Variants in SLC10A7 observed in about 807,000 individuals in gnomAD.
SLC10A7 encodes the protein sodium/bile acid cotransporter 7.
SLC10A7 carries 29 observed loss-of-function variants against 43.2 expected under a neutral mutation model. The observed-to-expected ratio is 0.67, with a 90% CI of 0.50 to 0.92. The LOEUF is 0.92. Among genes scored for constraint, SLC10A7 ranks in the 40% least tolerant of loss-of-function variants. SLC10A7 has a pLI of 0.00. For missense variants in SLC10A7, 295 were observed against 403.2 expected (o/e 0.73, Z 2.30); for synonymous variants, 152 against 144.8 (o/e 1.05, Z -0.35).
chr4:146,472,614 A>T (rs1733673436), intron 4 of SLC10A7, among the ~76,000 whole-genome samples: 2 of 152,108 alleles, frequency 1.3e-5, no homozygotes, highest in African/African-American at 4.8e-5. Flanking sequence ...CCCTTAGGGC[A>T]GACAGCATAT....
chr4:146,425,129 T>C (rs569245592), intron 5 of SLC10A7, among the ~76,000 whole-genome samples: 3 of 152,270 alleles, frequency 2.0e-5, no homozygotes, highest in African/African-American at 7.2e-5. Context: ...AACAGATCCC[T>C]GACAAGCTGA....
At chr4:146,378,286 ATCTC>A (rs751068796) in intron 5 of SLC10A7, among the ~76,000 whole-genome samples, 2 of 151,934 alleles carry the variant, frequency 1.3e-5, no homozygotes, top group East Asian at 3.9e-4. Flanking sequence ...GAAAATTATA[ATCTC>A]TCTCTCTCTC....
chr4:146,435,244 T>C (rs1038521600), intron 5 of SLC10A7, among the ~76,000 whole-genome samples: 2 of 152,172 alleles, frequency 1.3e-5, no homozygotes, highest in African/African-American at 4.8e-5. Context: ...ATGATGAAGT[T>C]TGGAGGTCTA....
Position 146,256,177 on chromosome 4 carries a change from T to C in SLC10A7, c.*314A>G. ...ATTTCAAACATTACAGTAACTACTA[T>C]AGGGTTGTATTGCACAAAGGTGCTG... On this transcript the variant is annotated 3_prime_UTR_variant, in exon 12 of 12. Transcript: ENST00000335472. The C allele has an allele frequency of 5.5e-6, 2 of 363,550 alleles. No individual in the cohort carries two copies. The highest frequency in any genetic ancestry group is 5.1e-6 in the Non-Finnish European group (1 of 197,534). 22.5% of individuals were successfully genotyped at this position (363,550 alleles called of 1,614,324 possible). A position where few individuals can be genotyped will look rare whatever the true frequency, so the allele number is the denominator to read the frequency against.
intron 4 of SLC10A7, among the ~76,000 whole-genome samples, chr4:146,492,262 T>C (rs956363423): frequency 1.2e-4 from 18 of 152,132 alleles, no homozygotes; most frequent in Non-Finnish European, 2.2e-4. Context: ...CCTGATGACT[T>C]TGTAATGCAA....
intron 4 of SLC10A7, among the ~76,000 whole-genome samples, chr4:146,447,697 T>C (rs539726805): frequency 6.6e-6 from 1 of 152,246 alleles, no homozygotes; most frequent in African/African-American, 2.4e-5. Flanking sequence ...ATTGAGATTT[T>C]TTTTAATATT....
rs775473288 is a variant in SLC10A7, at chr4:146,517,061, T to G, written c.160A>C (p.Ser54Arg). 1.2e-6 allele frequency: 2 copies of G among 1,609,316 alleles called. No homozygotes were observed. The highest frequency in any genetic ancestry group is 1.7e-6 in the Non-Finnish European group (2 of 1,176,712). ...ACCTCTGTTTTCAATGATAGTCCAC[T>G]GTTAAAGAATATTGTTGCAACAGCA... ...YIAVATIFFNSGLSLKTEELT... is the reference protein window; with the variant it reads ...YIAVATIFFNRGLSLKTEELT... Residue 54 changes from serine (S) to arginine (R), a missense_variant, in exon 2 of 12, where the codon AGT (serine) becomes CGT (arginine). Physicochemically the swap from Ser to Arg is moderately radical, Grantham distance 110. This residue lies in a region of SLC10A7 where 242 missense variants were observed against 362.5 expected (regional missense o/e 0.67). Coordinates refer to ENST00000335472, the MANE Select transcript of SLC10A7 (RefSeq NM_001029998.6).
chr4:146,278,338 T>C (rs1222160856), intron 10 of SLC10A7, among the ~76,000 whole-genome samples: 2 of 152,170 alleles, frequency 1.3e-5, no homozygotes, highest in East Asian at 1.9e-4. Context: ...ATGTACCAAG[T>C]AGAATAGGCT....
chr4:146,501,618 T>C (rs1184131775), intron 4 of SLC10A7, among the ~76,000 whole-genome samples: 1 of 152,212 alleles, frequency 6.6e-6, no homozygotes, highest in Non-Finnish European at 1.5e-5. Context: ...TCTTTAGGGA[T>C]GGCAAAAGAC....
chr4:146,433,256 G>A (rs1243025626), intron 5 of SLC10A7, among the ~76,000 whole-genome samples: 2 of 149,396 alleles, frequency 1.3e-5, no homozygotes, highest in Non-Finnish European at 3.0e-5. Context: ...CTGCCTCCTG[G>A]GTTCAAGTGA....
chr4:146,375,916 C>T (rs1377608087), intron 5 of SLC10A7, among the ~76,000 whole-genome samples: 1 of 152,178 alleles, frequency 6.6e-6, no homozygotes, highest in Non-Finnish European at 1.5e-5. Flanking sequence ...CAAGTCCTAG[C>T]TTGTGACCTA....
intron 5 of SLC10A7, among the ~76,000 whole-genome samples, chr4:146,326,655 G>A (rs567454127): frequency 6.6e-6 from 1 of 152,334 alleles, no homozygotes; most frequent in African/African-American, 2.4e-5. Flanking sequence ...TGTTGCCAAT[G>A]AGGCAGAATA....
intron 2 of SLC10A7, chr4:146,515,108 T>A: frequency 2.8e-6 from 2 of 702,290 alleles, no homozygotes; most frequent in Non-Finnish European, 5.2e-6. Context: ...AACTCCTGCA[T>A]CCCACAAAGT....
At chr4:146,387,280 G>C (rs144792458) in intron 5 of SLC10A7, among the ~76,000 whole-genome samples, 3 of 152,118 alleles carry the variant, frequency 2.0e-5, no homozygotes, top group Non-Finnish European at 4.4e-5. Flanking sequence ...ACAGTCAAGT[G>C]GGTCTTATTC....
At chr4:146,450,072 A>G (rs1731450441) in intron 4 of SLC10A7, among the ~76,000 whole-genome samples, 1 of 151,334 alleles carries the variant, frequency 6.6e-6, no homozygotes, top group Admixed American at 6.6e-5. Context: ...TAACAACACT[A>G]CCTTTTAAAT....
intron 6 of SLC10A7, among the ~76,000 whole-genome samples, chr4:146,322,132 A>G (rs534416243): frequency 6.6e-6 from 1 of 152,182 alleles, no homozygotes; most frequent in Non-Finnish European, 1.5e-5. Flanking sequence ...GAGTAGGGGA[A>G]AGCTTGTAAT....
intron 4 of SLC10A7, among the ~76,000 whole-genome samples, chr4:146,501,832 C>G (rs1736443688): frequency 6.6e-6 from 1 of 152,182 alleles, no homozygotes. Context: ...CTTGACCCCT[C>G]TTTTTCTCTC....
intron 5 of SLC10A7, among the ~76,000 whole-genome samples, chr4:146,404,360 C>A (rs1739427037): frequency 6.6e-6 from 1 of 152,026 alleles, no homozygotes; most frequent in African/African-American, 2.4e-5. Context: ...TTGCCAACAA[C>A]AGGTCTTGTG....
At chr4:146,280,972 T>C (rs1387921866) in intron 10 of SLC10A7, among the ~76,000 whole-genome samples, 2 of 152,150 alleles carry the variant, frequency 1.3e-5, no homozygotes, top group Admixed American at 6.6e-5. Context: ...ATGTCTATCA[T>C]GTTATGAAAG....
Sources: gnomAD v4.1 joint callset for allele counts (sites outside exome capture counted in the v4.1 genomes callset) on GRCh38, gnomAD v4.1.1 for gene constraint, gnomAD v4.1.1 regional missense constraint, MANE v1.5 for transcripts, NCBI Gene and HGNC (gene_info 2026-07-23, HGNC 2026-07-21) for gene names.